The following OPHN1 variants were observed in gnomAD, a reference collection of about 807,000 sequenced individuals.
OPHN1 encodes the protein oligophrenin 1.
In OPHN1, 11 loss-of-function variants were observed where a neutral mutation model predicts 60.7. The observed-to-expected ratio is 0.18, with a 90% CI of 0.11 to 0.30. OPHN1 has a LOEUF of 0.30. Among genes scored for constraint, OPHN1 ranks in the 10% least tolerant of loss-of-function variants. The pLI, the probability that OPHN1 is intolerant of heterozygous loss-of-function variation, is 1.00. For missense variants in OPHN1, 449 were observed against 611.0 expected, an observed-to-expected ratio of 0.73 and a Z score of 2.80; for synonymous variants, 226 against 222.6, an observed-to-expected ratio of 1.02 and a Z score of -0.14.
intron 2 of OPHN1, among the ~76,000 whole-genome samples, chrX:68,426,069 C>T (rs780245895): frequency 3.6e-5 from 4 of 111,116 alleles, no homozygotes; most frequent in South Asian, 3.8e-4. Context: ...TAGACTGAAA[C>T]GACCCACCCG....
At chrX:68,212,604 AAAC>A (rs1333338603) in intron 7 of OPHN1, among the ~76,000 whole-genome samples, 3 of 111,572 alleles carry the variant, frequency 2.7e-5, no homozygotes, top group African/African-American at 6.5e-5. Flanking sequence ...ACAAACAAAC[AAAC>A]AACAACAACA....
chrX:68,163,106 C>G (rs761844201), intron 15 of OPHN1, among the ~76,000 whole-genome samples: 33 of 110,787 alleles, frequency 3.0e-4, no homozygotes, highest in African/African-American at 1.0e-3. Context: ...ATGCACCTCT[C>G]TCATAAAAAA....
chrX:68,100,721 C>T (rs1011610878), intron 18 of OPHN1, among the ~76,000 whole-genome samples: 21 of 110,269 alleles, frequency 1.9e-4, no homozygotes, highest in African/African-American at 6.9e-4. Flanking sequence ...AGGATGGTGC[C>T]TTTTTTTTAT....
At chrX:68,181,277 C>T (rs1376833593) in intron 15 of OPHN1, among the ~76,000 whole-genome samples, 3 of 111,208 alleles carry the variant, frequency 2.7e-5, no homozygotes, top group Non-Finnish European at 5.6e-5. Context: ...TTTCTCATTG[C>T]TATTATACAT....
chrX:68,366,434 T>C (rs1054109526), intron 2 of OPHN1, among the ~76,000 whole-genome samples: 1 of 110,876 alleles, frequency 9.0e-6, no homozygotes, highest in African/African-American at 3.3e-5. Flanking sequence ...GCTCAGGCAA[T>C]GTTCCCACCT....
rs182278142 is a variant in OPHN1 at position 68,286,778 on chromosome X, G to A, written c.251-3661C>T. ...CACCTGTAATCCTAGTACTCTGGGA[G>A]GCTCAGGCAGGTGGACTGCTTGAGA... On this transcript the variant is annotated intron_variant, in intron 3 of 24. Transcript: ENST00000355520. Among the ~76,000 whole-genome samples, 641 of 111,445 alleles carry A rather than the reference G, an allele frequency of 5.8e-3. 7 individuals carry two copies. The highest frequency in any genetic ancestry group is 0.02 in the African/African-American group (606 of 30,579).
chrX:68,364,677 C>T (rs897405652), intron 2 of OPHN1, among the ~76,000 whole-genome samples: 1 of 112,222 alleles, frequency 8.9e-6, no homozygotes, highest in African/African-American at 3.2e-5. Flanking sequence ...CAGTTTTCTA[C>T]ATGTGGCTAT....
chrX:68,083,944 T>C (rs2076985114), intron 19 of OPHN1, among the ~76,000 whole-genome samples: 2 of 110,629 alleles, frequency 1.8e-5, no homozygotes, highest in African/African-American at 6.6e-5. Context: ...CGCAAAACAA[T>C]TACATAGTAA....
intron 8 of OPHN1, 130 bp from the exon 9 acceptor site, chrX:68,210,412 T>C (rs918419367): frequency 1.6e-6 from 1 of 640,401 alleles, no homozygotes; most frequent in Non-Finnish European, 2.4e-6. Context: ...AAAAAAGAAA[T>C]GGTGAATGGC....
rs1555938764 is a variant in OPHN1 at position 68,112,061 on chromosome X, G to GTA, written c.1421-103_1421-102insTA. 7 of 389,589 alleles carry GTA rather than the reference G, an allele frequency of 1.8e-5. No homozygotes were observed. In the Middle Eastern group the frequency reaches 1.9e-3, roughly 106 times the overall value. The allele number at this position is 389,589 out of a possible 1,213,427, so 32.1% of individuals were successfully genotyped here. ...CACAAACACACACACATGCACACAT[G>GTA]CACACACACACACACACACACACAC... On this transcript the variant is annotated intron_variant, in intron 17 of 24. Coordinates refer to ENST00000355520, the MANE Select transcript of OPHN1 (RefSeq NM_002547.3).
At chrX:68,065,136 T>TATA (rs1228960068) in intron 20 of OPHN1, among the ~76,000 whole-genome samples, 13 of 110,764 alleles carry the variant, frequency 1.2e-4, no homozygotes, top group African/African-American at 1.7e-4. Context: ...GAACTTAAAG[T>TATA]ATAATAATAA....
At chrX:68,367,536 T>C (rs2078505825) in intron 2 of OPHN1, among the ~76,000 whole-genome samples, 1 of 111,261 alleles carries the variant, frequency 9.0e-6, no homozygotes, top group South Asian at 3.8e-4. Flanking sequence ...TCTAGCACAG[T>C]GGCATTTTTT....
chrX:68,133,049 C>T, intron 15 of OPHN1: 1 of 499,078 alleles, frequency 2.0e-6, no homozygotes, highest in South Asian at 2.6e-5. Flanking sequence ...GCAGTCCGCC[C>T]CACTCGGCAG....
chrX:68,253,492 C>T (rs2077846333), intron 5 of OPHN1, among the ~76,000 whole-genome samples: 1 of 111,819 alleles, frequency 8.9e-6, no homozygotes, highest in African/African-American at 3.3e-5. Context: ...CCCCTGCTAA[C>T]CATCTATGCT....
At chrX:68,189,900 G>A (rs1268487136) in intron 15 of OPHN1, among the ~76,000 whole-genome samples, 1 of 110,492 alleles carries the variant, frequency 9.1e-6, no homozygotes, top group Non-Finnish European at 1.9e-5. Context: ...AGATGTCATA[G>A]GGAAAGAAGT....
chrX:68,391,828 C>G (rs2078654952), intron 2 of OPHN1, among the ~76,000 whole-genome samples: 1 of 111,090 alleles, frequency 9.0e-6, no homozygotes, highest in Non-Finnish European at 1.9e-5. Context: ...GGCCCACAAG[C>G]CAAGGATCGC....
At chrX:68,095,315 T>C (rs766666011) in intron 19 of OPHN1, among the ~76,000 whole-genome samples, 23 of 111,760 alleles carry the variant, frequency 2.1e-4, no homozygotes, top group African/African-American at 4.2e-4. Context: ...ATTTTGTAAA[T>C]AGAATTTTAC....
At chrX:68,113,091 A>C in intron 17 of OPHN1, 90 bp downstream of exon 17, 1 of 760,314 alleles carries the variant, frequency 1.3e-6, no homozygotes, top group East Asian at 3.3e-5. Context: ...TGTGCCCTCA[A>C]TCACTTCCCC....
In OPHN1 at chrX:68,075,052, C is replaced by G. The variant is rs775086643; in HGVS notation, c.1687-1753G>C. Among the ~76,000 whole-genome samples, 5 of 112,252 alleles carry G rather than the reference C, an allele frequency of 4.5e-5. No individual in the cohort carries two copies. The East Asian group carries it at 1.4e-3, about 31-fold the overall frequency. On this transcript the variant is annotated intron_variant, in intron 19 of 24. Coordinates refer to ENST00000355520, the MANE Select transcript of OPHN1 (RefSeq NM_002547.3). ...TGAAACAAGTAAAAACAAAACAAAACTAGGAAAAATACATGCAACAGTAGT... is the reference window on the plus strand; with the variant it reads ...TGAAACAAGTAAAAACAAAACAAAAGTAGGAAAAATACATGCAACAGTAGT...
Sources: gnomAD v4.1 joint callset for allele counts (sites outside exome capture counted in the v4.1 genomes callset) on GRCh38, gnomAD v4.1.1 for gene constraint, MANE v1.5 for transcripts, NCBI Gene and HGNC (gene_info 2026-07-23, HGNC 2026-07-21) for gene names.